PEMT: variants seen among roughly 807,000 people sequenced by gnomAD.
The protein encoded by PEMT is phospholipid methyltransferase.
A neutral mutation model predicts 27.4 loss-of-function variants in PEMT; 23 were observed. The ratio of observed to expected loss-of-function variants is 0.84; its 90% CI spans 0.60 to 1.19. The LOEUF is 1.19. Ranked by LOEUF, PEMT falls within the 50% of genes most tolerant of loss-of-function variation. PEMT has a pLI of 0.00. For synonymous variants in PEMT, 137 were observed against 139.1 expected (o/e 0.98, Z 0.11); for missense variants, 307 against 310.1 (o/e 0.99, Z 0.07).
intron 5 of PEMT, 99 bp from the exon 6 acceptor site, chr17:17,506,400 C>T (rs1597862661): frequency 1.1e-5 from 9 of 824,520 alleles, no homozygotes; most frequent in African/African-American, 1.0e-4. Flanking sequence ...GACCCTGGCC[C>T]TCCGGCCGAC....
intron 2 of PEMT, among the ~76,000 whole-genome samples, chr17:17,551,623 G>T (rs116205979): frequency 2.6e-3 from 389 of 152,326 alleles, no homozygotes; most frequent in African/African-American, 8.8e-3. Context: ...ATAAGCAGCA[G>T]CAAAACAGGA....
rs923731519 is a variant in PEMT, at chr17:17,512,141, A to G, written c.466+368T>C. Among the ~76,000 whole-genome samples the G allele has an allele frequency of 6.6e-6, 1 of 152,184 alleles. No individual in the cohort carries two copies. Among genetic ancestry groups the G allele is most frequent in the East Asian group, 1.9e-4 (1 of 5,188 alleles). On this transcript the variant is annotated intron_variant, in intron 4 of 6. Transcript: ENST00000255389. This position sits in a 1 kb window ranked among gnomAD's most constrained non-coding sequence, Gnocchi z 6.3. ...CACCACCACCTCAGGCTTCTGTGCA[A>G]CAAGGCCTGAGAGTCTTCTGCAAGG...
intron 2 of PEMT, among the ~76,000 whole-genome samples, chr17:17,550,671 G>A (rs1909596045): frequency 1.3e-5 from 2 of 152,180 alleles, no homozygotes; most frequent in African/African-American, 2.4e-5. Flanking sequence ...TCATTTTCCA[G>A]CCCGCTTATT....
intron 2 of PEMT, among the ~76,000 whole-genome samples, chr17:17,558,319 C>A (rs1910216546): frequency 1.3e-5 from 2 of 152,126 alleles, no homozygotes; most frequent in Admixed American, 1.3e-4. Context: ...CCAGCCTGGC[C>A]AACATGGTGA....
chr17:17,505,668 T>C lies in PEMT; in HGVS notation c.*123A>G, dbSNP rs1262665953. On this transcript the variant is annotated 3_prime_UTR_variant, in exon 7 of 7. Coordinates refer to ENST00000255389, the MANE Select transcript of PEMT (RefSeq NM_148172.3). ...CCCAAGGCAGCAGGTTCCAAGGCAC[T>C]GGGGCAGCCCACGCCGGGGGCGAGC... The C allele has an allele frequency of 1.4e-5, 16 of 1,180,664 alleles. No individual in the cohort carries two copies. Among genetic ancestry groups the C allele is most frequent in the Non-Finnish European group, 1.8e-5 (16 of 886,362 alleles). 73.1% of individuals were successfully genotyped at this position (1,180,664 alleles called of 1,614,324 possible).
Position 17,561,937 on chromosome 17 carries a change from C to T in PEMT, c.204+14983G>A, listed in dbSNP as rs1373603190. 6.6e-6 allele frequency among the ~76,000 whole-genome samples: 1 copy of T among 152,194 alleles called. No individual in the cohort carries two copies. The highest frequency in any genetic ancestry group is 1.5e-5 in the Non-Finnish European group (1 of 68,020). ...GGAAGCTGGGCTGTTGCGAAGTTGG[C>T]GCAGGGCATGTGAGGGCACCCCAGG... On this transcript the variant is annotated intron_variant, in intron 2 of 6. Coordinates refer to ENST00000255389, the MANE Select transcript of PEMT (RefSeq NM_148172.3). This position sits in a 1 kb window ranked among gnomAD's most constrained non-coding sequence, Gnocchi z 4.5.
chr17:17,532,823 T>G (rs1421564264), intron 2 of PEMT, among the ~76,000 whole-genome samples: 1 of 150,152 alleles, frequency 6.7e-6, no homozygotes, highest in African/African-American at 2.5e-5. Flanking sequence ...AGACCAGGAG[T>G]TCAAGACCAG....
rs1345301297 is a variant in PEMT, at chr17:17,583,048, C to A, written c.97-6021G>T. On this transcript the variant is annotated intron_variant, in intron 1 of 6. Transcript: ENST00000255389. ...CTGCACTCCAGCCTGGATGACAGAG[C>A]GAGACTCCATCTCAAAAAAAAAAAA... 2.3e-5 allele frequency among the ~76,000 whole-genome samples: 3 copies of A among 130,586 alleles called. No individual in the cohort carries two copies. In the South Asian group the frequency reaches 7.3e-4, roughly 32 times the overall value. 85.7% of individuals were successfully genotyped at this position (130,586 alleles called of 152,430 possible).
rs1912599355 is a variant in PEMT, at chr17:17,591,675, G to T, written c.-49C>A. 1 of 1,578,276 alleles carries T rather than the reference G, an allele frequency of 6.3e-7. No homozygotes were observed. The highest frequency in any genetic ancestry group is 2.4e-5 in the East Asian group (1 of 42,308). On this transcript the variant is annotated 5_prime_UTR_variant, in exon 1 of 7. Transcript: ENST00000255389. ...CACGCGGGCCCCGCTGCAGCCACGC[G>T]CCCCCGGAACCGGACCTATAGAGCC...
In PEMT at chr17:17,509,429, C is replaced by T. The variant is rs1427337572; in HGVS notation, c.578+5G>A. On this transcript the variant is annotated splice_donor_5th_base_variant and intron_variant, in intron 5 of 6. Transcript: ENST00000255389. Reference sequence around the variant, plus strand: ...GGGCAGAGGGGTGGCAAGCCTGGTACTCACATGATGGCCCAGCCCAGGTAG... The same window carrying T: ...GGGCAGAGGGGTGGCAAGCCTGGTATTCACATGATGGCCCAGCCCAGGTAG... 1.3e-6 allele frequency: 2 copies of T among 1,596,258 alleles called. No homozygotes were observed. Among genetic ancestry groups the T allele is most frequent in the South Asian group, 2.2e-5 (2 of 90,318 alleles).
At chr17:17,517,254 T>C (rs1056705376) in intron 3 of PEMT, among the ~76,000 whole-genome samples, 7 of 152,164 alleles carry the variant, frequency 4.6e-5, no homozygotes, top group African/African-American at 1.7e-4. Flanking sequence ...CATAGTAAGT[T>C]TGTGTGGTTT....
At chr17:17,533,753 CAG>C (rs1298967169) in intron 2 of PEMT, among the ~76,000 whole-genome samples, 6 of 148,908 alleles carry the variant, frequency 4.0e-5, no homozygotes, top group African/African-American at 1.2e-4. Flanking sequence ...TTTTTTGAGA[CAG>C]AGTCTTGCTC....
chr17:17,590,221 C>A (rs775602140), intron 1 of PEMT, among the ~76,000 whole-genome samples: 4 of 152,222 alleles, frequency 2.6e-5, no homozygotes, highest in Non-Finnish European at 5.9e-5. Context: ...TGTTGTAATT[C>A]AATGGACAGT....
upstream of PEMT, chr17:17,591,981 C>T (rs1342260658): frequency 1.0e-6 from 1 of 985,320 alleles, no homozygotes; most frequent in Non-Finnish European, 1.2e-6. Context: ...CGTCCCTGCC[C>T]TTGCCTGGCG....
chr17:17,564,338 G>A (rs1167580777), intron 2 of PEMT, among the ~76,000 whole-genome samples: 1 of 151,178 alleles, frequency 6.6e-6, no homozygotes, highest in African/African-American at 2.4e-5. Flanking sequence ...TCTGCCCCCA[G>A]TGGAATCTTC....
Position 17,530,462 on chromosome 17 carries a change from T to C in PEMT, c.205-8067A>G, listed in dbSNP as rs542468720. The stretch of plus-strand genomic sequence containing the variant: ...GTGAGCTGAGATGGCACCATTGCAC[T>C]CCAGCCTGGGTGACAGAGAGACTCC... On this transcript the variant is annotated intron_variant, in intron 2 of 6. Transcript: ENST00000255389. Among the ~76,000 whole-genome samples the C allele has an allele frequency of 1.9e-4, 29 of 152,140 alleles. No homozygotes were observed. In the East Asian group the frequency reaches 5.6e-3, roughly 30 times the overall value.
At chr17:17,555,059 C>A (rs963352548) in intron 2 of PEMT, among the ~76,000 whole-genome samples, 1 of 152,140 alleles carries the variant, frequency 6.6e-6, no homozygotes, top group Non-Finnish European at 1.5e-5. Flanking sequence ...ATGGGCACAG[C>A]TCTAAACCCT....
At chr17:17,543,761 C>T (rs1191301060) in intron 2 of PEMT, among the ~76,000 whole-genome samples, 1 of 152,230 alleles carries the variant, frequency 6.6e-6, no homozygotes, top group African/African-American at 2.4e-5. Context: ...CAGGGTTTCA[C>T]CATGTTGGCC....
At chr17:17,563,517 G>T (rs1246133795) in intron 2 of PEMT, among the ~76,000 whole-genome samples, 6 of 152,158 alleles carry the variant, frequency 3.9e-5, no homozygotes, top group African/African-American at 1.2e-4. Context: ...GGGCAGTTTT[G>T]GCCTGAGATA....
Sources: allele counts gnomAD v4.1 joint callset (sites outside exome capture counted in the v4.1 genomes callset), GRCh38; gene constraint gnomAD v4.1.1; non-coding constraint Gnocchi (gnomAD v3.1); transcripts MANE v1.5; gene names NCBI Gene and HGNC (gene_info 2026-07-23, HGNC 2026-07-21).